The following CSMD3 variants were observed in gnomAD, a reference collection of about 807,000 sequenced individuals.
CSMD3 encodes the protein CUB and sushi domain-containing protein 3.
A neutral mutation model predicts 435.2 loss-of-function variants in CSMD3; 177 were observed. That is an observed-to-expected ratio of 0.41 (90% CI 0.36 to 0.46). CSMD3 has a LOEUF of 0.46. Ranked by LOEUF, CSMD3 falls within the 20% of genes least tolerant of loss-of-function variation. CSMD3 has a pLI of 0.34. For synonymous variants in CSMD3, 1,656 were observed against 1,520.5 expected (o/e 1.09, Z -2.07); for missense variants, 4,265 against 4,504.6 (o/e 0.95, Z 1.52).
At chr8:113,004,931 A>C (rs2086000082) in intron 6 of CSMD3, among the ~76,000 whole-genome samples, 1 of 151,804 alleles carries the variant, frequency 6.6e-6, no homozygotes, top group South Asian at 2.1e-4. Flanking sequence ...TGGATAAATA[A>C]TTTTATTTAA....
chr8:112,644,057 A>G (rs1389894651), intron 20 of CSMD3, among the ~76,000 whole-genome samples: 1 of 151,662 alleles, frequency 6.6e-6, no homozygotes, highest in Non-Finnish European at 1.5e-5. Flanking sequence ...ATTCAATAAT[A>G]TAATACATCA....
intron 1 of CSMD3, among the ~76,000 whole-genome samples, chr8:113,408,588 T>C (rs903035336): frequency 1.3e-5 from 2 of 150,994 alleles, no homozygotes; most frequent in African/African-American, 4.9e-5. Flanking sequence ...AAGATATAAA[T>C]AATAAAAAGG....
At chr8:113,055,130 T>G (rs1005440364) in intron 5 of CSMD3, among the ~76,000 whole-genome samples, 4 of 152,164 alleles carry the variant, frequency 2.6e-5, no homozygotes, top group African/African-American at 9.7e-5. Flanking sequence ...GTATGTTTTA[T>G]TCAACACTGT....
intron 13 of CSMD3, among the ~76,000 whole-genome samples, chr8:112,743,670 C>A (rs1441819124): frequency 6.6e-6 from 1 of 151,922 alleles, no homozygotes; most frequent in African/African-American, 2.4e-5. Context: ...AATTGCCTCT[C>A]TAGTAATGTG....
chr8:113,241,355 C>A (rs1032634253), intron 3 of CSMD3, among the ~76,000 whole-genome samples: 1 of 151,922 alleles, frequency 6.6e-6, no homozygotes, highest in Non-Finnish European at 1.5e-5. Flanking sequence ...GAGATTCATA[C>A]CTGATACATA....
chr8:112,607,747 A>C (rs909868072), intron 22 of CSMD3, among the ~76,000 whole-genome samples: 1 of 152,206 alleles, frequency 6.6e-6, no homozygotes, highest in South Asian at 2.1e-4. Context: ...ATCACTTGAC[A>C]AAATTCAATA....
intron 13 of CSMD3, among the ~76,000 whole-genome samples, chr8:112,778,322 T>C (rs1288159249): frequency 1.3e-5 from 2 of 151,994 alleles, no homozygotes; most frequent in Non-Finnish European, 2.9e-5. Flanking sequence ...TGTCATATTA[T>C]GTATCATAGC....
intron 24 of CSMD3, among the ~76,000 whole-genome samples, chr8:112,558,432 A>G (rs1282358576): frequency 1.1e-4 from 17 of 151,862 alleles, no homozygotes; most frequent in Non-Finnish European, 2.9e-5. Context: ...TATACCTTTT[A>G]TGTCCAATTA....
intron 12 of CSMD3, among the ~76,000 whole-genome samples, chr8:112,822,715 G>A (rs573964723): frequency 2.0e-5 from 3 of 152,052 alleles, no homozygotes; most frequent in South Asian, 2.1e-4. Context: ...GTCTTGTGTC[G>A]GTTTTCACAG....
At chr8:112,287,727 A>G (rs1276304912) in intron 57 of CSMD3, among the ~76,000 whole-genome samples, 1 of 152,144 alleles carries the variant, frequency 6.6e-6, no homozygotes, top group Non-Finnish European at 1.5e-5. Context: ...ATTATAATAC[A>G]GTTCTGATAG....
At chr8:113,250,310 T>C (rs2093322942) in intron 3 of CSMD3, among the ~76,000 whole-genome samples, 1 of 152,076 alleles carries the variant, frequency 6.6e-6, no homozygotes, top group Non-Finnish European at 1.5e-5. Flanking sequence ...ATTTAGTCCA[T>C]TAAAAACAAA....
intron 50 of CSMD3, among the ~76,000 whole-genome samples, chr8:112,308,161 A>G (rs1821622371): frequency 6.6e-6 from 1 of 152,052 alleles, no homozygotes; most frequent in Non-Finnish European, 1.5e-5. Flanking sequence ...TAATTACAGA[A>G]CCTCTAAAAT....
At chr8:112,690,595 C>A (rs893748419) in intron 13 of CSMD3, among the ~76,000 whole-genome samples, 33 of 150,302 alleles carry the variant, frequency 2.2e-4, no homozygotes, top group Non-Finnish European at 3.3e-4. Context: ...AGACCCCCCC[C>A]CCCAACAAAA....
At chr8:112,911,046 A>G (rs1002347955) in intron 10 of CSMD3, among the ~76,000 whole-genome samples, 6 of 151,690 alleles carry the variant, frequency 4.0e-5, no homozygotes, top group African/African-American at 1.2e-4. Flanking sequence ...CACAGGCTCA[A>G]CTTCATCCTC....
At chr8:113,213,854 T>A (rs2092869012) in intron 3 of CSMD3, among the ~76,000 whole-genome samples, 1 of 152,108 alleles carries the variant, frequency 6.6e-6, no homozygotes, top group South Asian at 2.1e-4. Flanking sequence ...TAATTAGTCT[T>A]TCTTTTATTC....
chr8:112,712,478 A>G (rs1395620441), intron 13 of CSMD3, among the ~76,000 whole-genome samples: 1 of 152,148 alleles, frequency 6.6e-6, no homozygotes, highest in Non-Finnish European at 1.5e-5. Context: ...TGGGACAGTG[A>G]GGAGATTGTC....
intron 5 of CSMD3, among the ~76,000 whole-genome samples, chr8:113,093,907 G>C (rs1207420582): frequency 6.6e-6 from 1 of 151,772 alleles, no homozygotes; most frequent in Non-Finnish European, 1.5e-5. Flanking sequence ...CTAATATTCT[G>C]ATCTTGATAA....
intron 70 of CSMD3, among the ~76,000 whole-genome samples, chr8:112,225,856 T>C (rs1812505246): frequency 1.3e-5 from 2 of 152,142 alleles, no homozygotes; most frequent in South Asian, 4.1e-4. Flanking sequence ...GAAATTCTGA[T>C]TCATTTGTTT....
chr8:112,602,946 C>T (rs1233636403), intron 22 of CSMD3, among the ~76,000 whole-genome samples: 1 of 152,124 alleles, frequency 6.6e-6, no homozygotes, highest in African/African-American at 2.4e-5. Context: ...CAAAGTCTTG[C>T]TCTGTCATAC....
Sources: allele counts gnomAD v4.1 joint callset (sites outside exome capture counted in the v4.1 genomes callset), GRCh38; gene constraint gnomAD v4.1.1; transcripts MANE v1.5; gene names NCBI Gene and HGNC (gene_info 2026-07-23, HGNC 2026-07-21).